The following BOD1L1 variants were observed in gnomAD, a reference collection of about 807,000 sequenced individuals.
BOD1L1 encodes biorientation of chromosomes in cell division protein 1-like 1.
Under a neutral mutation model 240.7 loss-of-function variants are expected in BOD1L1, and 86 were observed. The observed-to-expected ratio is 0.36, with a 90% CI of 0.30 to 0.43. The LOEUF is 0.43. Ranked by LOEUF, BOD1L1 falls within the 20% of genes least tolerant of loss-of-function variation. BOD1L1 has a pLI of 1.00. For synonymous variants in BOD1L1, 1,268 were observed against 1,272.3 expected (o/e 1.00, Z 0.07); for missense variants, 3,554 against 3,643.5 (o/e 0.98, Z 0.63).
In BOD1L1 at chr4:13,600,246, G is replaced by A. The variant is rs1715009028; in HGVS notation, c.6654C>T (p.Leu2218=). The change falls in exon 10 of 26, where the codon CTC becomes CTT. Residue 2218 remains leucine (L), a synonymous_variant. Transcript: ENST00000040738. ...ATTCTTCTGCTATGCTAGTGGAAAT[G>A]AGAGCACATTCATCCTTCTCCTCCT... The part of the protein sequence containing the change: ...TSKEEKDECA[L]ISTSIAEECE... 6.2e-6 allele frequency: 10 copies of A among 1,613,902 alleles called. No homozygotes were observed. Among genetic ancestry groups the A allele is most frequent in the Non-Finnish European group, 8.5e-6 (10 of 1,179,912 alleles).
intron 25 of BOD1L1, 40 bp downstream of exon 25, chr4:13,576,798 C>A (rs768128087): frequency 1.3e-6 from 2 of 1,570,904 alleles, no homozygotes; most frequent in Non-Finnish European, 1.7e-6. Context: ...GATGGAGAAG[C>A]TGGTGAAGGT....
At chr4:13,621,486 G>C (rs909161457) in intron 1 of BOD1L1, among the ~76,000 whole-genome samples, 2 of 152,166 alleles carry the variant, frequency 1.3e-5, no homozygotes, top group African/African-American at 4.8e-5. Flanking sequence ...TCTTGACACC[G>C]AAGGTAGGCT....
At position 13,599,948 on chromosome 4, in the gene BOD1L1, T is replaced by C; in HGVS notation, c.6952A>G (p.Ile2318Val). 9.3e-6 allele frequency: 15 copies of C among 1,612,948 alleles called. No individual in the cohort carries two copies. The highest frequency in any genetic ancestry group is 1.2e-5 in the Non-Finnish European group (14 of 1,179,394). Reference protein sequence around the residue: ...AVLQDEDRLTITRVEDLSDAA... With the variant: ...AVLQDEDRLTVTRVEDLSDAA... ...TCGCTCAAGTCTTCTACTCTTGTGATGGTGAGCCGATCTTCATCCTGGAGG... is the reference window on the plus strand; with the variant it reads ...TCGCTCAAGTCTTCTACTCTTGTGACGGTGAGCCGATCTTCATCCTGGAGG... Residue 2318 changes from isoleucine (I) to valine (V), a missense_variant, in exon 10 of 26, where the codon ATC becomes GTC. By Grantham distance (29) the Ile-to-Val change is conservative (BLOSUM62 3). This residue lies in a region of BOD1L1 where 3,393 missense variants were observed against 3,427.1 expected (regional missense o/e 0.99). Transcript: ENST00000040738.
chr4:13,616,740 C>G (rs1246054796), intron 2 of BOD1L1, among the ~76,000 whole-genome samples: 2 of 152,044 alleles, frequency 1.3e-5, no homozygotes, highest in Non-Finnish European at 2.9e-5. Flanking sequence ...CTGGAAGCAC[C>G]TTGTCGCCTT....
Position 13,613,022 on chromosome 4 carries a change from C to T in BOD1L1, c.1324+490G>A, listed in dbSNP as rs1044879843. 2.0e-5 allele frequency among the ~76,000 whole-genome samples: 3 copies of T among 152,168 alleles called. No individual in the cohort carries two copies. The highest frequency in any genetic ancestry group is 4.4e-5 in the Non-Finnish European group (3 of 68,034). On this transcript the variant is annotated intron_variant, in intron 5 of 25. Coordinates refer to ENST00000040738, the MANE Select transcript of BOD1L1 (RefSeq NM_148894.3). The surrounding 1 kb of genome is among the most constrained non-coding windows in gnomAD (Gnocchi z 4.0). The stretch of plus-strand genomic sequence containing the variant: ...ACTTTCCTGGACTCTGCCCTGTGTG[C>T]CTCTTCCCTTGGCTGATTTTAATCT...
chr4:13,597,945 T>A (rs1714755104), intron 10 of BOD1L1, among the ~76,000 whole-genome samples: 1 of 152,308 alleles, frequency 6.6e-6, no homozygotes, highest in Admixed American at 6.5e-5. Context: ...ATGGCTAAGG[T>A]CTATTTCAGT....
rs1265788763 is a variant in BOD1L1, at chr4:13,608,524, A to C, written c.1742+6T>G. ...TAAGGGAAACATGACCAGATAAAATATGTACCTTGAATCTTTTTTTCTCTT... is the reference window on the plus strand; with the variant it reads ...TAAGGGAAACATGACCAGATAAAATCTGTACCTTGAATCTTTTTTTCTCTT... On this transcript the variant is annotated splice_donor_region_variant and intron_variant, in intron 8 of 25. Coordinates refer to ENST00000040738, the MANE Select transcript of BOD1L1 (RefSeq NM_148894.3). 1 of 1,530,110 alleles carries C rather than the reference A, an allele frequency of 6.5e-7. No individual in the cohort carries two copies. Among genetic ancestry groups the C allele is most frequent in the Non-Finnish European group, 8.7e-7 (1 of 1,143,104 alleles). 94.8% of individuals were successfully genotyped at this position (1,530,110 alleles called of 1,614,324 possible).
At chr4:13,571,643 G>A (rs1179521574) in intron 25 of BOD1L1, among the ~76,000 whole-genome samples, 2 of 152,168 alleles carry the variant, frequency 1.3e-5, no homozygotes, top group African/African-American at 4.8e-5. Context: ...CCCAGAATGT[G>A]GTCTGTGAGG....
At chr4:13,590,316 G>T in intron 14 of BOD1L1, 70 bp downstream of exon 14, 1 of 774,564 alleles carries the variant, frequency 1.3e-6, no homozygotes, top group Non-Finnish European at 2.0e-6. Flanking sequence ...ACAAGGCCTG[G>T]TATACAGACC....
intron 25 of BOD1L1, chr4:13,572,813 G>T (rs1459389175): frequency 7.1e-5 from 92 of 1,289,634 alleles, no homozygotes; most frequent in Non-Finnish European, 9.3e-5. Flanking sequence ...TTTGGATGTT[G>T]CACGTGCAGA....
intron 3 of BOD1L1, among the ~76,000 whole-genome samples, 167 bp downstream of exon 3, chr4:13,615,145 C>T (rs1716490105): frequency 6.6e-6 from 1 of 152,086 alleles, no homozygotes; most frequent in African/African-American, 2.4e-5. Flanking sequence ...TTTTATTAAT[C>T]TAGAAAACGA....
At chr4:13,592,632 A>G (rs1714304259) in intron 12 of BOD1L1, 1 of 152,214 alleles carries the variant, frequency 6.6e-6, no homozygotes, top group African/African-American at 2.4e-5. Flanking sequence ...GCACATTTTA[A>G]TTAATGTATC....
chr4:13,577,275 A>G (rs1406602453), intron 24 of BOD1L1, 128 bp downstream of exon 24: 1 of 821,198 alleles, frequency 1.2e-6, no homozygotes, highest in Non-Finnish European at 1.9e-6. Context: ...GATTAGACCT[A>G]TTTCACACAT....
At chr4:13,615,907 CT>C (rs1560216920) in intron 2 of BOD1L1, among the ~76,000 whole-genome samples, 5 of 152,006 alleles carry the variant, frequency 3.3e-5, no homozygotes, top group Admixed American at 3.3e-4. Flanking sequence ...GTCTCTACAA[CT>C]TTTTTTAACA....
At chr4:13,615,288 T>TGACCAA (rs779049222) in intron 3 of BOD1L1, 24 bp downstream of exon 3, 1 of 1,558,356 alleles carries the variant, frequency 6.4e-7, no homozygotes, top group Non-Finnish European at 8.7e-7. Context: ...ACAATGGAAC[T>TGACCAA]GACCAAGAGT....
At chr4:13,608,485 C>T in intron 8 of BOD1L1, 45 bp downstream of exon 8, 1 of 1,441,088 alleles carries the variant, frequency 6.9e-7, no homozygotes, top group Non-Finnish European at 9.1e-7. Flanking sequence ...CTGAAAGCAC[C>T]CAGGGGAGTG....
intron 25 of BOD1L1, among the ~76,000 whole-genome samples, chr4:13,573,968 C>T (rs538599118): frequency 3.1e-4 from 47 of 152,226 alleles, no homozygotes; most frequent in African/African-American, 9.9e-4. Context: ...TGAGCCACTG[C>T]GCCCAGCTGC....
chr4:13,579,128 T>C lies in BOD1L1; in HGVS notation c.8749+800A>G, dbSNP rs549937925. ...AATGAAGATGAAAAAGTTAACCCAA[T>C]AGAAATGTCAACAAAGAGGACTGTC... is the stretch of plus-strand genomic sequence containing the variant. On this transcript the variant is annotated intron_variant, in intron 22 of 25. Coordinates refer to ENST00000040738, the MANE Select transcript of BOD1L1 (RefSeq NM_148894.3). 3.3e-5 allele frequency among the ~76,000 whole-genome samples: 5 copies of C among 152,306 alleles called. No individual in the cohort carries two copies. In the South Asian group the frequency reaches 1.0e-3, roughly 32 times the overall value.
At chr4:13,587,523 T>G (rs1713802291) in intron 16 of BOD1L1, among the ~76,000 whole-genome samples, 176 bp downstream of exon 16, 1 of 152,194 alleles carries the variant, frequency 6.6e-6, no homozygotes, top group East Asian at 1.9e-4. Flanking sequence ...GTTTCTAGAT[T>G]GGGGTCCAGA....
Sources: allele counts gnomAD v4.1 joint callset (sites outside exome capture counted in the v4.1 genomes callset), GRCh38; gene constraint gnomAD v4.1.1; regional missense constraint gnomAD v4.1.1; non-coding constraint Gnocchi (gnomAD v3.1); transcripts MANE v1.5; gene names NCBI Gene and HGNC (gene_info 2026-07-23, HGNC 2026-07-21).